NXPE2: variants seen among roughly 807,000 people sequenced by gnomAD.
NXPE2 encodes NXPE family member 2.
NXPE2 carries 34 observed loss-of-function variants against 34.4 expected under a neutral mutation model. The ratio of observed to expected loss-of-function variants is 0.99; its 90% CI spans 0.75 to 1.31. The LOEUF (loss-of-function observed/expected upper bound fraction) is 1.31, where lower values mean the gene tolerates loss of function less well. Ranked by LOEUF, NXPE2 falls within the 40% of genes most tolerant of loss-of-function variation. The pLI is 0.00. For missense variants in NXPE2, 649 were observed against 672.5 expected (o/e 0.97, Z 0.39); for synonymous variants, 235 against 231.3 (o/e 1.02, Z -0.15).
the NXPE2 span, among the ~76,000 whole-genome samples, chr11:114,478,721 CACTATCTCA>C: frequency 6.6e-6 from 1 of 152,288 alleles, no homozygotes; most frequent in African/African-American, 2.4e-5. Flanking sequence ...TTGGTTTATT[CACTATCTCA>C]ACAAAGGAAG....
At chr11:114,590,721 T>G in the NXPE2 span, among the ~76,000 whole-genome samples, 1 of 152,162 alleles carries the variant, frequency 6.6e-6, no homozygotes, top group Admixed American at 6.5e-5. Context: ...AGTAAGAAAC[T>G]TGATTTGCAG....
chr11:114,744,855 T>C, the NXPE2 span, among the ~76,000 whole-genome samples: 1 of 152,248 alleles, frequency 6.6e-6, no homozygotes, highest in Middle Eastern at 3.4e-3. Flanking sequence ...CGAAGGCATG[T>C]TTATCATTAC....
chr11:114,469,883 T>A, the NXPE2 span, among the ~76,000 whole-genome samples: 5 of 151,938 alleles, frequency 3.3e-5, no homozygotes, highest in Non-Finnish European at 7.3e-5. Context: ...ACCAGTAATC[T>A]TCTTTCTGTC....
the NXPE2 span, among the ~76,000 whole-genome samples, chr11:114,588,205 G>A: frequency 6.6e-6 from 1 of 152,092 alleles, no homozygotes; most frequent in Non-Finnish European, 1.5e-5. Context: ...CCCTCCAGCT[G>A]TGCCATCAGG....
chr11:114,581,292 G>C, the NXPE2 span, among the ~76,000 whole-genome samples: 2 of 152,226 alleles, frequency 1.3e-5, no homozygotes, highest in East Asian at 3.9e-4. Context: ...AGGTGGCAAA[G>C]ATCAAGAGGG....
At chr11:114,696,925 C>T (rs771680154) in intron 2 of NXPE2, among the ~76,000 whole-genome samples, 5 of 152,020 alleles carry the variant, frequency 3.3e-5, no homozygotes, top group Non-Finnish European at 7.4e-5. Context: ...ACATAAATAT[C>T]TATGATAAAG....
the NXPE2 span, among the ~76,000 whole-genome samples, chr11:114,492,418 T>C: frequency 1.3e-5 from 2 of 152,196 alleles, no homozygotes; most frequent in Non-Finnish European, 2.9e-5. Context: ...ATATGGTCCA[T>C]CCTTGAGAAT....
the NXPE2 span, among the ~76,000 whole-genome samples, chr11:114,509,142 A>C: frequency 6.6e-6 from 1 of 152,234 alleles, no homozygotes; most frequent in Non-Finnish European, 1.5e-5. Context: ...GCCAACAAAC[A>C]TGAAAACAAA....
the NXPE2 span, chr11:114,580,414 C>T: frequency 3.3e-6 from 4 of 1,224,916 alleles, no homozygotes; most frequent in Non-Finnish European, 4.8e-6. Flanking sequence ...GCCTTCTATC[C>T]TCTAAGTATC....
chr11:114,770,727 G>C, the NXPE2 span, among the ~76,000 whole-genome samples: 1 of 151,946 alleles, frequency 6.6e-6, no homozygotes, highest in Non-Finnish European at 1.5e-5. Context: ...TTTTATAGGC[G>C]AGCAAACTGA....
chr11:114,700,966 A>G (rs1157662261), intron 3 of NXPE2, among the ~76,000 whole-genome samples: 4 of 151,900 alleles, frequency 2.6e-5, no homozygotes, highest in South Asian at 2.1e-4. Context: ...TTCAAATCCA[A>G]TTTAAGCATT....
At chr11:114,680,870 C>G (rs1222441793) in intron 2 of NXPE2, among the ~76,000 whole-genome samples, 1 of 152,186 alleles carries the variant, frequency 6.6e-6, no homozygotes, top group Admixed American at 6.5e-5. Flanking sequence ...ATATCTCCAT[C>G]TAAGTCTTCC....
the NXPE2 span, among the ~76,000 whole-genome samples, chr11:114,497,523 A>G: frequency 6.6e-6 from 1 of 152,168 alleles, no homozygotes; most frequent in Non-Finnish European, 1.5e-5. Context: ...TAAATACACA[A>G]ATATTTATCA....
chr11:114,520,402 T>C, the NXPE2 span, among the ~76,000 whole-genome samples: 1 of 152,238 alleles, frequency 6.6e-6, no homozygotes, highest in Admixed American at 6.5e-5. Flanking sequence ...TTACTTAGCG[T>C]AACGTCCTCC....
the NXPE2 span, among the ~76,000 whole-genome samples, chr11:114,643,898 T>C: frequency 6.6e-6 from 1 of 152,194 alleles, no homozygotes. Context: ...TTCATGAGCA[T>C]GGAGTGTTTT....
the NXPE2 span, among the ~76,000 whole-genome samples, chr11:114,536,578 C>A: frequency 0.17 from 26,019 of 151,684 alleles, 2,573 homozygotes; most frequent in African/African-American, 0.25. Flanking sequence ...AAATAGACGC[C>A]ATAAAAAATG....
the NXPE2 span, among the ~76,000 whole-genome samples, chr11:114,805,783 A>C: frequency 2.6e-5 from 4 of 152,190 alleles, no homozygotes; most frequent in Non-Finnish European, 5.9e-5. Context: ...GCACAGACAA[A>C]CAAAAAGACA....
the NXPE2 span, among the ~76,000 whole-genome samples, chr11:114,568,889 A>G: frequency 0.21 from 31,594 of 152,064 alleles, 4,349 homozygotes; most frequent in African/African-American, 0.38. Flanking sequence ...TTATTAGAAT[A>G]TAAAATCTTT....
At chr11:114,769,325 G>A in the NXPE2 span, among the ~76,000 whole-genome samples, 1 of 152,196 alleles carries the variant, frequency 6.6e-6, no homozygotes, top group Non-Finnish European at 1.5e-5. Context: ...ATGCTGGAGA[G>A]GATGTGGAGA....
Sources: gnomAD v4.1 joint callset for allele counts (sites outside exome capture counted in the v4.1 genomes callset) on GRCh38, gnomAD v4.1.1 for gene constraint, MANE v1.5 for transcripts, NCBI Gene and HGNC (gene_info 2026-07-23, HGNC 2026-07-21) for gene names.